CNTNAP5: variants seen among roughly 807,000 people sequenced by gnomAD.
CNTNAP5 encodes the protein contactin-associated protein-like 5.
Under a neutral mutation model 150.2 loss-of-function variants are expected in CNTNAP5, and 72 were observed. That is an observed-to-expected ratio of 0.48 (90% CI 0.40 to 0.58). The LOEUF is 0.58. CNTNAP5 is among the 20% of genes least tolerant of loss of function. The pLI is 0.00. For synonymous variants in CNTNAP5, 672 were observed against 619.8 expected, an observed-to-expected ratio of 1.08 and a Z score of -1.25; for missense variants, 1,636 against 1,626.2, an observed-to-expected ratio of 1.01 and a Z score of -0.10.
chr2:124,449,662 A>G (rs971667347), intron 6 of CNTNAP5, among the ~76,000 whole-genome samples: 7 of 152,180 alleles, frequency 4.6e-5, no homozygotes, highest in African/African-American at 1.4e-4. Context: ...GGTGCTTTAT[A>G]AAATGTGCTC....
intron 13 of CNTNAP5, among the ~76,000 whole-genome samples, chr2:124,701,894 A>G (rs1679529075): frequency 6.6e-6 from 1 of 151,784 alleles, no homozygotes; most frequent in Non-Finnish European, 1.5e-5. Context: ...TTCTCTTATG[A>G]TTGACCTAAG....
intron 19 of CNTNAP5, among the ~76,000 whole-genome samples, chr2:124,799,877 A>G (rs1229419912): frequency 6.6e-6 from 1 of 152,234 alleles, no homozygotes; most frequent in African/African-American, 2.4e-5. Context: ...GACTAGGATG[A>G]CAATGGCTCA....
At chr2:124,174,368 T>C (rs1442719151) in intron 1 of CNTNAP5, among the ~76,000 whole-genome samples, 1 of 152,178 alleles carries the variant, frequency 6.6e-6, no homozygotes, top group Non-Finnish European at 1.5e-5. Flanking sequence ...TTGAAAACTT[T>C]CTGGAGAGGA....
intron 14 of CNTNAP5, among the ~76,000 whole-genome samples, chr2:124,754,646 C>T (rs144916163): frequency 6.6e-6 from 1 of 152,118 alleles, no homozygotes; most frequent in African/African-American, 2.4e-5. Context: ...TAACTTGATA[C>T]TGGCTTCCTT....
At chr2:124,415,797 G>T (rs1207636879) in intron 3 of CNTNAP5, among the ~76,000 whole-genome samples, 5 of 152,102 alleles carry the variant, frequency 3.3e-5, no homozygotes, top group Admixed American at 1.3e-4. Flanking sequence ...TATGCTTAAT[G>T]CCCTGAATTA....
chr2:124,371,256 G>A (rs1690518147), intron 3 of CNTNAP5, among the ~76,000 whole-genome samples: 1 of 152,074 alleles, frequency 6.6e-6, no homozygotes, highest in African/African-American at 2.4e-5. Flanking sequence ...AAATATCGTG[G>A]GGTAATGTGT....
intron 6 of CNTNAP5, among the ~76,000 whole-genome samples, chr2:124,457,959 T>C (rs1211220236): frequency 1.3e-5 from 2 of 151,752 alleles, no homozygotes; most frequent in African/African-American, 4.8e-5. Context: ...TTCTGTACTG[T>C]TAGTGGCAAT....
At chr2:124,150,821 A>C (rs1259300248) in intron 1 of CNTNAP5, among the ~76,000 whole-genome samples, 2 of 152,210 alleles carry the variant, frequency 1.3e-5, no homozygotes, top group Non-Finnish European at 2.9e-5. Context: ...TTAAGGCTTC[A>C]ATATGTGCAT....
chr2:124,535,993 T>C (rs1695223377), intron 10 of CNTNAP5, among the ~76,000 whole-genome samples: 1 of 152,088 alleles, frequency 6.6e-6, no homozygotes, highest in Non-Finnish European at 1.5e-5. Context: ...TATAAAAAGA[T>C]TACATTGCGC....
chr2:124,255,589 AT>A (rs1258593534), intron 3 of CNTNAP5, among the ~76,000 whole-genome samples: 7 of 71,356 alleles, frequency 9.8e-5, no homozygotes, highest in African/African-American at 4.2e-4. Context: ...TAAAATAATA[AT>A]TTTTTTTTAA....
At chr2:124,247,504 T>G (rs1197236345) in intron 3 of CNTNAP5, among the ~76,000 whole-genome samples, 1 of 152,102 alleles carries the variant, frequency 6.6e-6, no homozygotes, top group East Asian at 1.9e-4. Flanking sequence ...TTAGACTACT[T>G]GAACCAGAAG....
chr2:124,472,246 T>C (rs1271425902), intron 6 of CNTNAP5, among the ~76,000 whole-genome samples: 5 of 152,074 alleles, frequency 3.3e-5, no homozygotes, highest in Admixed American at 3.3e-4. Context: ...GTCACATGGA[T>C]TTTTGAAATA....
At position 124,297,864 on chromosome 2, in the gene CNTNAP5, A is replaced by T. The variant is rs1465995296; in HGVS notation, c.381+55471A>T. 2.7e-5 allele frequency among the ~76,000 whole-genome samples: 4 copies of T among 148,282 alleles called. No individual in the cohort carries two copies. In the Admixed American group the frequency reaches 2.7e-4, roughly 10 times the overall value. On this transcript the variant is annotated intron_variant, in intron 3 of 23. Transcript: ENST00000682447. ...TATTATTATTATTATTATTATTTTG[A>T]AATGGAGTCTCACTCTGTTGCCCAG...
intron 2 of CNTNAP5, among the ~76,000 whole-genome samples, chr2:124,232,197 T>A (rs1477451737): frequency 1.3e-5 from 2 of 152,146 alleles, no homozygotes; most frequent in Non-Finnish European, 1.5e-5. Flanking sequence ...AGAATAGAAT[T>A]AAGAGCATGA....
intron 3 of CNTNAP5, among the ~76,000 whole-genome samples, chr2:124,262,945 C>T (rs1178720057): frequency 6.6e-6 from 1 of 151,906 alleles, no homozygotes; most frequent in Non-Finnish European, 1.5e-5. Flanking sequence ...TGATGGTTTC[C>T]AGCTTCATCC....
intron 7 of CNTNAP5, among the ~76,000 whole-genome samples, chr2:124,482,895 T>G (rs142293305): frequency 7.9e-5 from 12 of 152,302 alleles, no homozygotes; most frequent in African/African-American, 2.6e-4. Context: ...GAATAGAAAC[T>G]TTTATGTGAG....
intron 17 of CNTNAP5, among the ~76,000 whole-genome samples, chr2:124,776,862 A>G (rs1681335217): frequency 6.6e-6 from 1 of 152,184 alleles, no homozygotes. Flanking sequence ...TTGTTTTTTT[A>G]ACATTATATA....
intron 13 of CNTNAP5, among the ~76,000 whole-genome samples, chr2:124,706,607 C>T (rs1446511935): frequency 2.0e-5 from 3 of 151,634 alleles, no homozygotes; most frequent in Admixed American, 1.3e-4. Flanking sequence ...ATTAGCGGCT[C>T]ATGGTGGTAC....
At chr2:124,123,023 T>G (rs2104718431) in intron 1 of CNTNAP5, among the ~76,000 whole-genome samples, 1 of 152,240 alleles carries the variant, frequency 6.6e-6, no homozygotes, top group East Asian at 1.9e-4. Context: ...GGGTGATTTC[T>G]GCATTTCCAA....
Sources: gnomAD v4.1 joint callset for allele counts (sites outside exome capture counted in the v4.1 genomes callset) on GRCh38, gnomAD v4.1.1 for gene constraint, MANE v1.5 for transcripts, NCBI Gene and HGNC (gene_info 2026-07-23, HGNC 2026-07-21) for gene names.